CLASP1: variants seen among roughly 807,000 people sequenced by gnomAD.
CLASP1 encodes the protein CLIP-associating protein 1.
A neutral mutation model predicts 192.3 loss-of-function variants in CLASP1; 38 were observed. That is an observed-to-expected ratio of 0.20 (90% CI 0.15 to 0.26). CLASP1 has a LOEUF of 0.26. CLASP1 is among the 10% of genes least tolerant of loss of function. The pLI is 1.00. For missense variants in CLASP1, 1,433 were observed against 1,932.5 expected, an observed-to-expected ratio of 0.74 and a Z score of 4.85; for synonymous variants, 691 against 712.8, an observed-to-expected ratio of 0.97 and a Z score of 0.49.
rs527411659 is a variant in CLASP1 at position 121,464,736 on chromosome 2, T to G, written c.866-2131A>C. Among the ~76,000 whole-genome samples the G allele has an allele frequency of 4.9e-3, 744 of 152,272 alleles. 9 individuals carry two copies. Among genetic ancestry groups the G allele is most frequent in the African/African-American group, 0.017 (721 of 41,540 alleles). ...AAATTTGTTTGAGTTCATTGTAGAT[T>G]CTGGATATTAGCCCTTTGTCAGATG... On this transcript the variant is annotated intron_variant, in intron 9 of 39. Coordinates refer to ENST00000263710, the Ensembl canonical transcript of CLASP1.
chr2:121,573,854 C>A (rs980386969), intron 2 of CLASP1, among the ~76,000 whole-genome samples: 1 of 152,038 alleles, frequency 6.6e-6, no homozygotes, highest in Non-Finnish European at 1.5e-5. Context: ...CAAAACAAAA[C>A]AAAAGCTAAT....
At chr2:121,500,403 AAG>A (rs1046699392) in intron 8 of CLASP1, among the ~76,000 whole-genome samples, 4 of 151,258 alleles carry the variant, frequency 2.6e-5, no homozygotes, top group Non-Finnish European at 5.9e-5. Context: ...AAAGAAAAGA[AAG>A]AAAGAAAGAA....
At chr2:121,485,711 G>C (rs1408118873) in intron 8 of CLASP1, among the ~76,000 whole-genome samples, 2 of 151,620 alleles carry the variant, frequency 1.3e-5, no homozygotes. Context: ...TGGAAAAAAA[G>C]AAAAAAAAGA....
chr2:121,364,646 C>CT, intron 36 of CLASP1: 2 of 169,924 alleles, frequency 1.2e-5, no homozygotes, highest in South Asian at 2.7e-4. Context: ...TATTGGAACT[C>CT]TTAACATATG....
At chr2:121,550,836 T>C (rs1490742555) in intron 2 of CLASP1, among the ~76,000 whole-genome samples, 1 of 151,974 alleles carries the variant, frequency 6.6e-6, no homozygotes, top group Non-Finnish European at 1.5e-5. Flanking sequence ...CTCCAAACAC[T>C]TGAGGAGGAG....
intron 6 of CLASP1, among the ~76,000 whole-genome samples, chr2:121,522,438 A>G (rs778667660): frequency 7.2e-5 from 11 of 152,248 alleles, no homozygotes; most frequent in Non-Finnish European, 1.0e-4. Flanking sequence ...CACAAAAAGT[A>G]TAACTGCCAT....
intron 23 of CLASP1, among the ~76,000 whole-genome samples, chr2:121,415,585 TA>T (rs1382022903): frequency 6.6e-6 from 1 of 152,222 alleles, no homozygotes; most frequent in East Asian, 1.9e-4. Flanking sequence ...TTCAAAACAT[TA>T]ACTTATTGAC....
intron 8 of CLASP1, among the ~76,000 whole-genome samples, chr2:121,500,262 C>A (rs1482529129): frequency 7.1e-6 from 1 of 140,328 alleles, no homozygotes; most frequent in Non-Finnish European, 1.5e-5. Flanking sequence ...TTTAAAAAAA[C>A]ACGAAGGAGG....
intron 19 of CLASP1, among the ~76,000 whole-genome samples, chr2:121,432,092 T>G (rs1220721533): frequency 6.6e-6 from 1 of 152,096 alleles, no homozygotes; most frequent in African/African-American, 2.4e-5. Flanking sequence ...ATCACAATAC[T>G]GTGATTAGCT....
chr2:121,583,752 C>T (rs2105619282), intron 2 of CLASP1, among the ~76,000 whole-genome samples: 1 of 152,134 alleles, frequency 6.6e-6, no homozygotes, highest in Admixed American at 6.5e-5. Context: ...GTTTGTGTCC[C>T]CTCCAAAATT....
intron 15 of CLASP1, 47 bp from the exon 16 acceptor site, chr2:121,451,037 T>C (rs747943367): frequency 3.1e-5 from 38 of 1,245,198 alleles, no homozygotes; most frequent in Non-Finnish European, 4.2e-5. Context: ...ATGTATGGTT[T>C]GATGCAAGTG....
intron 2 of CLASP1, among the ~76,000 whole-genome samples, chr2:121,543,038 G>A (rs886728257): frequency 1.3e-5 from 2 of 152,260 alleles, no homozygotes; most frequent in Admixed American, 6.5e-5. Context: ...CTGAGCAAAC[G>A]AAAGGTAGCT....
intron 3 of CLASP1, 114 bp downstream of exon 3, chr2:121,530,133 A>C: frequency 1.7e-6 from 1 of 598,164 alleles, no homozygotes; most frequent in Non-Finnish European, 2.6e-6. Flanking sequence ...AGGGAGGGAG[A>C]GGGGGCTGGA....
Position 121,623,335 on chromosome 2 carries a change from C to T in CLASP1, c.-285-17155G>A, listed in dbSNP as rs547446768. Among the ~76,000 whole-genome samples the T allele has an allele frequency of 1.7e-3, 261 of 152,270 alleles. 1 individual carries two copies. The highest frequency in any genetic ancestry group is 5.6e-3 in the Admixed American group (86 of 15,282). ...TTTTATTCTATTACATGGCATGTTA[C>T]GTTAATTTACAGACATTAAGCCAAC... On this transcript the variant is annotated intron_variant, in intron 1 of 39. Transcript: ENST00000263710.
chr2:121,382,520 G>C (rs1316284898), intron 32 of CLASP1, among the ~76,000 whole-genome samples, 196 bp from the exon 34 acceptor site: 1 of 152,182 alleles, frequency 6.6e-6, no homozygotes, highest in Admixed American at 6.5e-5. Flanking sequence ...GGTCCTCGAT[G>C]AGACTGCTTT....
intron 2 of CLASP1, among the ~76,000 whole-genome samples, chr2:121,563,493 T>G (rs534755529): frequency 3.9e-5 from 6 of 152,250 alleles, no homozygotes; most frequent in South Asian, 2.1e-4. Flanking sequence ...AAATGAAAAA[T>G]TAACATGCCG....
intron 8 of CLASP1, among the ~76,000 whole-genome samples, chr2:121,477,152 T>C (rs1439301597): frequency 5.3e-5 from 8 of 152,206 alleles, no homozygotes; most frequent in African/African-American, 1.9e-4. Flanking sequence ...GACCACTTTG[T>C]ATTCTTCTTG....
rs200312165 is a variant in CLASP1, at chr2:121,350,334, G to A, written c.4207-1616C>T. On this transcript the variant is annotated intron_variant, in intron 37 of 39. Transcript: ENST00000263710. ...CATCTGGAAAGCTGCTTCTAGTTAT[G>A]GGCATGAAGTGGGTGAAGAAGTCTG... is the stretch of plus-strand genomic sequence containing the variant. Among the ~76,000 whole-genome samples the A allele has an allele frequency of 1.1e-4, 17 of 152,344 alleles. No homozygotes were observed. The East Asian group carries it at 3.1e-3, about 28-fold the overall frequency.
At chr2:121,621,842 TTTG>T (rs1423729908) in intron 1 of CLASP1, among the ~76,000 whole-genome samples, 3 of 152,142 alleles carry the variant, frequency 2.0e-5, no homozygotes, top group East Asian at 1.9e-4. Context: ...ACTGGGTTTT[TTTG>T]TTGTTTGTTT....
Sources: allele counts gnomAD v4.1 joint callset (sites outside exome capture counted in the v4.1 genomes callset), GRCh38; gene constraint gnomAD v4.1.1; transcripts MANE v1.5; gene names NCBI Gene and HGNC (gene_info 2026-07-23, HGNC 2026-07-21).